Variants in SPANXN4 observed in about 807,000 individuals in gnomAD.
SPANXN4 encodes sperm protein associated with the nucleus on the X chromosome N4.
Under a neutral mutation model 6.0 loss-of-function variants are expected in SPANXN4, and 5 were observed. The observed-to-expected ratio is 0.83, with a 90% confidence interval of 0.44 to 1.75. SPANXN4 has a LOEUF of 1.75. SPANXN4 is among the 40% of genes most tolerant of loss of function. The probability of loss-of-function intolerance (pLI) is 0.02; values close to 1 mark genes in which losing one functional copy is unlikely to be tolerated. For missense variants in SPANXN4, 157 were observed against 108.6 expected, an observed-to-expected ratio of 1.45 and a Z score of -1.98; for synonymous variants, 45 against 38.0, an observed-to-expected ratio of 1.19 and a Z score of -0.68.
At chrX:143,026,857 G>C (rs7059969) in intron 1 of SPANXN4, among the ~76,000 whole-genome samples, 19 of 111,699 alleles carry the variant, frequency 1.7e-4, no homozygotes, top group African/African-American at 5.5e-4. Flanking sequence ...CTAAGAAAGC[G>C]GCCCCCTGCT....
chrX:143,032,052 G>A (rs1932813125), intron 1 of SPANXN4, among the ~76,000 whole-genome samples: 1 of 112,049 alleles, frequency 8.9e-6, no homozygotes, highest in African/African-American at 3.3e-5. Flanking sequence ...TGTTGTTGGT[G>A]GAGGGTGTTT....
At chrX:143,026,938 T>C (rs7060983) in intron 1 of SPANXN4, among the ~76,000 whole-genome samples, 7 of 111,020 alleles carry the variant, frequency 6.3e-5, no homozygotes, top group African/African-American at 2.3e-4. Context: ...GCCTGCTTAG[T>C]GTGTGTGGAG....
downstream of SPANXN4, among the ~76,000 whole-genome samples, chrX:143,035,710 G>GAT (rs948320513): frequency 6.4e-5 from 7 of 109,504 alleles, no homozygotes; most frequent in Non-Finnish European, 1.1e-4. Flanking sequence ...GTCATTATGG[G>GAT]ATATATATAT....
At chrX:143,033,977 C>A (rs749344871) in intron 1 of SPANXN4, 48 bp from the exon 2 acceptor site, 21 of 1,093,944 alleles carry the variant, frequency 1.9e-5, no homozygotes, top group South Asian at 6.5e-5. Flanking sequence ...TCTCTACCCT[C>A]TTCATCCAAA....
At chrX:143,037,405 G>A (rs945551362), downstream of SPANXN4, among the ~76,000 whole-genome samples, 1 of 111,188 alleles carries the variant, frequency 9.0e-6, no homozygotes, top group African/African-American at 3.3e-5. Context: ...ATTCTTCCGT[G>A]AGCCATTTCT....
chrX:143,028,112 G>A (rs761814874), intron 1 of SPANXN4, among the ~76,000 whole-genome samples: 3 of 111,286 alleles, frequency 2.7e-5, no homozygotes, highest in Non-Finnish European at 5.7e-5. Flanking sequence ...GTAATTTGGG[G>A]GTGAGGAAAT....
chrX:143,033,984 C>T (rs762754675), intron 1 of SPANXN4, 41 bp from the exon 2 acceptor site: 1 of 1,112,539 alleles, frequency 9.0e-7, no homozygotes, highest in Non-Finnish European at 1.2e-6. Flanking sequence ...CCTCTTCATC[C>T]AAAATAACAC....
chrX:143,031,257 T>C lies in SPANXN4; in HGVS notation c.79-2771T>C, dbSNP rs750548532. Among the ~76,000 whole-genome samples, 5 of 110,982 alleles carry C rather than the reference T, an allele frequency of 4.5e-5. No homozygotes were observed. In the South Asian group the frequency reaches 2.0e-3, roughly 43 times the overall value. ...TGATTGTGCCTAGAGGGGATTTCAT[T>C]GACTTTCACGATAGAGACAGAGGAA... On this transcript the variant is annotated intron_variant, in intron 1 of 2. Coordinates refer to ENST00000370504, the Ensembl canonical transcript of SPANXN4.
In SPANXN4 at chrX:143,033,932, G is replaced by T; in HGVS notation, c.79-96G>T. The T allele has an allele frequency of 7.3e-6, 6 of 819,469 alleles. 1 individual carries two copies. In the South Asian group the frequency reaches 1.6e-4, roughly 22 times the overall value. 67.5% of individuals were successfully genotyped at this position (819,469 alleles called of 1,213,427 possible). On this transcript the variant is annotated intron_variant, in intron 1 of 2. Coordinates refer to ENST00000370504, the Ensembl canonical transcript of SPANXN4. ...CTGGCACAAGCCCCTTCCTCAACCT[G>T]CATTCCTTCTTATAAAGCCCCCCTT...
chrX:143,028,762 G>T (rs1932792182), intron 1 of SPANXN4, among the ~76,000 whole-genome samples: 1 of 111,121 alleles, frequency 9.0e-6, no homozygotes, highest in South Asian at 3.8e-4. Flanking sequence ...TCCTGCCCTG[G>T]TGTGTGTCCT....
chrX:143,029,001 G>T (rs771143748), intron 1 of SPANXN4, among the ~76,000 whole-genome samples: 2 of 111,988 alleles, frequency 1.8e-5, no homozygotes, highest in African/African-American at 6.5e-5. Flanking sequence ...CATCATTGAG[G>T]TAGAACTATT....
At chrX:143,029,938 G>A (rs765675530) in intron 1 of SPANXN4, among the ~76,000 whole-genome samples, 29 of 111,660 alleles carry the variant, frequency 2.6e-4, no homozygotes, top group Non-Finnish European at 4.3e-4. Flanking sequence ...GGGCGTCGCC[G>A]TATATTTGGC....
chrX:143,031,527 C>T (rs1270447661), intron 1 of SPANXN4, among the ~76,000 whole-genome samples: 2 of 111,325 alleles, frequency 1.8e-5, no homozygotes, highest in East Asian at 2.9e-4. Flanking sequence ...ACAGATGGGG[C>T]GAGGTTTCCT....
intron 2 of SPANXN4, 145 bp downstream of exon 2, chrX:143,034,456 G>C: frequency 5.4e-6 from 6 of 1,116,198 alleles, no homozygotes; most frequent in Non-Finnish European, 7.1e-6. Context: ...ATAAAGACTG[G>C]GGGAGGACTG....
intron 1 of SPANXN4, among the ~76,000 whole-genome samples, chrX:143,033,335 A>G (rs1319137090): frequency 9.0e-6 from 1 of 111,684 alleles, no homozygotes; most frequent in Non-Finnish European, 1.9e-5. Context: ...GCCTTCCAGG[A>G]TGCAAAGAAG....
chrX:143,034,812 ACT>A (rs1005235728), downstream of SPANXN4: 7 of 961,446 alleles, frequency 7.3e-6, no homozygotes, highest in African/African-American at 1.2e-4. Flanking sequence ...TTGTTAAGAA[ACT>A]CTAGGTGGAG....
intron 1 of SPANXN4, among the ~76,000 whole-genome samples, chrX:143,033,608 A>G (rs1211175836): frequency 9.0e-6 from 1 of 111,523 alleles, no homozygotes; most frequent in Non-Finnish European, 1.9e-5. Flanking sequence ...AGATATTCTT[A>G]TGATCAGGTG....
At chrX:143,036,834 G>T (rs969388313), downstream of SPANXN4, among the ~76,000 whole-genome samples, 1 of 111,523 alleles carries the variant, frequency 9.0e-6, no homozygotes, top group African/African-American at 3.3e-5. Context: ...GGAGTACATT[G>T]AATCTGTACC....
chrX:143,029,134 A>C (rs980903364), intron 1 of SPANXN4, among the ~76,000 whole-genome samples: 1 of 111,250 alleles, frequency 9.0e-6, no homozygotes, highest in African/African-American at 3.3e-5. Flanking sequence ...AGGCTGCTGA[A>C]CGTGTTTAGA....
Sources: gnomAD v4.1 joint callset for allele counts (sites outside exome capture counted in the v4.1 genomes callset) on GRCh38, gnomAD v4.1.1 for gene constraint, MANE v1.5 for transcripts, NCBI Gene and HGNC (gene_info 2026-07-23, HGNC 2026-07-21) for gene names.